The following KCNA6 variants were observed in gnomAD, a reference collection of about 807,000 sequenced individuals.
KCNA6 encodes the protein human brain potassium channel-2.
Under a neutral mutation model 29.5 loss-of-function variants are expected in KCNA6, and 17 were observed. That is an observed-to-expected ratio of 0.58 (90% CI 0.39 to 0.86). The LOEUF (loss-of-function observed/expected upper bound fraction) is 0.86. KCNA6 is among the 40% of genes least tolerant of loss of function. The pLI is 0.00. For missense variants in KCNA6, 450 were observed against 703.4 expected (o/e 0.64, Z 4.07); for synonymous variants, 296 against 304.7 (o/e 0.97, Z 0.30).
At chr12:4,846,613 G>A in the KCNA6 span, among the ~76,000 whole-genome samples, 3 of 152,020 alleles carry the variant, frequency 2.0e-5, no homozygotes, top group Admixed American at 6.6e-5. Flanking sequence ...GGAGAGTGGA[G>A]TTCAGTAAAC....
chr12:4,818,822 A>G, the KCNA6 span, among the ~76,000 whole-genome samples: 2 of 150,840 alleles, frequency 1.3e-5, no homozygotes, highest in East Asian at 1.9e-4. Context: ...TTTGTTCCCT[A>G]TGGGTCCCTG....
At chr12:4,845,984 GT>G in the KCNA6 span, among the ~76,000 whole-genome samples, 210 of 129,454 alleles carry the variant, frequency 1.6e-3, 1 homozygote, top group Middle Eastern at 7.9e-3. Context: ...GAATTTTAGA[GT>G]TTTTTTTTTT....
the KCNA6 span, among the ~76,000 whole-genome samples, chr12:4,847,222 A>G: frequency 6.6e-6 from 1 of 152,092 alleles, no homozygotes; most frequent in African/African-American, 2.4e-5. Context: ...GTAAAATCTG[A>G]TATCTTAATT....
downstream of KCNA6, among the ~76,000 whole-genome samples, chr12:4,817,291 G>C (rs561840486): frequency 6.6e-6 from 1 of 152,226 alleles, no homozygotes; most frequent in African/African-American, 2.4e-5. Flanking sequence ...CTGGAGCTTG[G>C]CAGTTGGCAG....
the KCNA6 span, among the ~76,000 whole-genome samples, chr12:4,825,447 T>C: frequency 1.3e-5 from 2 of 152,152 alleles, no homozygotes; most frequent in African/African-American, 4.8e-5. Flanking sequence ...AGAATCTCCA[T>C]CCCCCTTTTA....
Position 4,810,860 on chromosome 12 carries a change from G to A in KCNA6, c.819G>A (p.Trp273Ter), listed in dbSNP as rs1216966817. Reference sequence around the variant, plus strand: ...TGGTGGAGACGCTGTGCATTGTCTGGTTCACTTTTGAGCTCCTGGTGCGCT... The same window carrying A: ...TGGTGGAGACGCTGTGCATTGTCTGATTCACTTTTGAGCTCCTGGTGCGCT... The change falls in exon 1 of 1, where the codon TGG becomes TGA. Residue 273 changes from tryptophan (W) to a stop codon, truncating the protein, a stop_gained. Coordinates refer to ENST00000280684, the Ensembl canonical transcript of KCNA6. LOFTEE classifies it high-confidence loss of function. This position sits in a 1 kb window ranked among gnomAD's most constrained non-coding sequence, Gnocchi z 7.5. The A allele has an allele frequency of 6.2e-7, 1 of 1,610,818 alleles. No individual in the cohort carries two copies. The highest frequency in any genetic ancestry group is 8.5e-7 in the Non-Finnish European group (1 of 1,178,334).
At chr12:4,832,023 G>T in the KCNA6 span, among the ~76,000 whole-genome samples, 14 of 152,146 alleles carry the variant, frequency 9.2e-5, no homozygotes, top group African/African-American at 3.1e-4. Flanking sequence ...AAGGCTTCCT[G>T]GTCAAAATGA....
At chr12:4,816,126 A>C (rs1357506112), downstream of KCNA6, among the ~76,000 whole-genome samples, 2 of 152,192 alleles carry the variant, frequency 1.3e-5, no homozygotes, top group Non-Finnish European at 2.9e-5. Flanking sequence ...GAAGCTTAGC[A>C]TGTCTAAAAA....
At chr12:4,839,682 A>G in the KCNA6 span, among the ~76,000 whole-genome samples, 1 of 152,256 alleles carries the variant, frequency 6.6e-6, no homozygotes, top group East Asian at 1.9e-4. Flanking sequence ...TTGTGGAAAC[A>G]TAAAAAGTGC....
the KCNA6 span, among the ~76,000 whole-genome samples, chr12:4,820,546 A>ACACACAC: frequency 1.5e-5 from 2 of 134,674 alleles, no homozygotes; most frequent in African/African-American, 2.9e-5. Context: ...GGATTACCTA[A>ACACACAC]ACACACACAC....
exon 1 of KCNA6, chr12:4,812,064 C>CTA (rs1946637777): frequency 1.1e-5 from 2 of 181,240 alleles, no homozygotes; most frequent in Admixed American, 1.2e-4. Flanking sequence ...CTTCAGGCTA[C>CTA]TTGGTAACTG....
chr12:4,821,818 G>A, the KCNA6 span, among the ~76,000 whole-genome samples: 1 of 152,284 alleles, frequency 6.6e-6, no homozygotes, highest in African/African-American at 2.4e-5. Flanking sequence ...AGTCCCTGCT[G>A]CTGAGGCTGG....
In KCNA6 at chr12:4,810,451, A is replaced by G. The variant is rs907904652; in HGVS notation, c.410A>G (p.Asp137Gly). Reference sequence around the variant, plus strand: ...GAGGCCCTGGCGGCCTTCCGGGAGGACGAGGGCTGCCTGCCCGAAGGTGGC... The same window carrying G: ...GAGGCCCTGGCGGCCTTCCGGGAGGGCGAGGGCTGCCTGCCCGAAGGTGGC... The change falls in exon 1 of 1, where the codon GAC becomes GGC. Residue 137 changes from aspartate (D) to glycine (G), a missense_variant. Asp to Gly is a moderately conservative substitution (Grantham distance 94, BLOSUM62 -1). This residue lies in a region of KCNA6 where 133 missense variants were observed against 217.5 expected (regional missense o/e 0.61). Transcript: ENST00000280684. This position sits in a 1 kb window ranked among gnomAD's most constrained non-coding sequence, Gnocchi z 7.5. 1.2e-6 allele frequency: 2 copies of G among 1,613,852 alleles called. No individual in the cohort carries two copies. The highest frequency in any genetic ancestry group is 2.7e-5 in the African/African-American group (2 of 74,898).
In KCNA6 at chr12:4,810,129, G is replaced by A; in HGVS notation, c.88G>A (p.Glu30Lys). 6.3e-7 allele frequency: 1 copy of A among 1,598,240 alleles called. No homozygotes were observed. Among genetic ancestry groups the A allele is most frequent in the East Asian group, 2.2e-5 (1 of 44,770 alleles). ...GCAACAGGATGCGGGAGACTTCCCG[G>A]AGGCCGGCGGGGGCGGGGGCTGCTG... is the stretch of plus-strand genomic sequence containing the variant. The change falls in exon 1 of 1, where the codon GAG becomes AAG. Residue 30 changes from glutamate to lysine, a missense_variant. Transcript: ENST00000280684. The surrounding 1 kb of genome is among the most constrained non-coding windows in gnomAD (Gnocchi z 7.5).
chr12:4,811,600 A>T lies in KCNA6; in HGVS notation c.1559A>T (p.Tyr520Phe). Residue 520 changes from tyrosine (Y) to phenylalanine (F), a missense_variant, in exon 1 of 1, where the codon TAT becomes TTT. By Grantham distance (22) the Tyr-to-Phe change is conservative (BLOSUM62 3). Coordinates refer to ENST00000280684, the Ensembl canonical transcript of KCNA6. The surrounding 1 kb of genome is among the most constrained non-coding windows in gnomAD (Gnocchi z 7.1). ...TACCTTCCTACACCACATCGGGCCTATGCAGAGAAAAGAATGCTCACGGAG... is the reference window on the plus strand; with the variant it reads ...TACCTTCCTACACCACATCGGGCCTTTGCAGAGAAAAGAATGCTCACGGAG... The T allele has an allele frequency of 1.9e-6, 3 of 1,614,110 alleles. No homozygotes were observed. Among genetic ancestry groups the T allele is most frequent in the Non-Finnish European group, 2.5e-6 (3 of 1,179,950 alleles).
chr12:4,849,677 A>G, the KCNA6 span, among the ~76,000 whole-genome samples: 1 of 152,044 alleles, frequency 6.6e-6, no homozygotes, highest in African/African-American at 2.4e-5. Flanking sequence ...TAAGATTACA[A>G]GTTACTCCAT....
exon 1 of KCNA6, chr12:4,809,935 C>A: frequency 7.5e-7 from 1 of 1,325,054 alleles, no homozygotes; most frequent in Non-Finnish European, 1.0e-6. Context: ...GGAGCGCGGG[C>A]CCCACCCTAA....
At chr12:4,821,402 C>G in the KCNA6 span, among the ~76,000 whole-genome samples, 1 of 151,752 alleles carries the variant, frequency 6.6e-6, no homozygotes, top group African/African-American at 2.4e-5. Flanking sequence ...CCCAACCAGA[C>G]CCTCTACTCA....
At chr12:4,846,049 T>G in the KCNA6 span, among the ~76,000 whole-genome samples, 1 of 145,004 alleles carries the variant, frequency 6.9e-6, no homozygotes, top group East Asian at 2.0e-4. Flanking sequence ...GGTACCCAAG[T>G]CTAAACCAAA....
Sources: gnomAD v4.1 joint callset for allele counts (sites outside exome capture counted in the v4.1 genomes callset) on GRCh38, gnomAD v4.1.1 for gene constraint, gnomAD v4.1.1 regional missense constraint, Gnocchi (gnomAD v3.1) non-coding constraint, MANE v1.5 for transcripts, NCBI Gene and HGNC (gene_info 2026-07-23, HGNC 2026-07-21) for gene names.